ARB2A: variants seen among roughly 807,000 people sequenced by gnomAD.
ARB2A encodes the protein ARB2 cotranscriptional regulator A.
the ARB2A span, among the ~76,000 whole-genome samples, chr5:93,711,573 C>T: frequency 7.2e-5 from 11 of 152,176 alleles, no homozygotes; most frequent in Admixed American, 2.6e-4. Flanking sequence ...TCCTCTTCCA[C>T]TGAACAACTA....
chr5:94,098,041 C>G, the ARB2A span, among the ~76,000 whole-genome samples: 1 of 152,198 alleles, frequency 6.6e-6, no homozygotes, highest in Non-Finnish European at 1.5e-5. Flanking sequence ...TGGACACAAC[C>G]CTTCAGGGTT....
chr5:94,068,331 A>G, the ARB2A span, among the ~76,000 whole-genome samples: 1 of 152,264 alleles, frequency 6.6e-6, no homozygotes, highest in Admixed American at 6.5e-5. Flanking sequence ...TTGCTGGATC[A>G]GGAGCACAAC....
At chr5:94,041,355 T>G in the ARB2A span, among the ~76,000 whole-genome samples, 1 of 152,072 alleles carries the variant, frequency 6.6e-6, no homozygotes, top group Admixed American at 6.6e-5. Flanking sequence ...CCTTGGGAGC[T>G]TGACCTTGTA....
the ARB2A span, among the ~76,000 whole-genome samples, chr5:93,949,267 G>A: frequency 5.3e-5 from 8 of 151,698 alleles, no homozygotes; most frequent in East Asian, 2.0e-4. Flanking sequence ...CACTTCTCCC[G>A]GCCCACACCC....
At chr5:94,083,664 C>T in the ARB2A span, among the ~76,000 whole-genome samples, 99 of 152,212 alleles carry the variant, frequency 6.5e-4, no homozygotes, top group Non-Finnish European at 2.9e-5. Flanking sequence ...ACTATTACCA[C>T]TTCTATTCAA....
the ARB2A span, among the ~76,000 whole-genome samples, chr5:93,624,253 G>A: frequency 1.5e-4 from 23 of 152,242 alleles, no homozygotes; most frequent in East Asian, 4.2e-3. Context: ...AGAAATCACA[G>A]GGAAACTAGT....
At chr5:94,028,798 G>A in the ARB2A span, among the ~76,000 whole-genome samples, 1 of 151,932 alleles carries the variant, frequency 6.6e-6, no homozygotes, top group Non-Finnish European at 1.5e-5. Context: ...ATAACTTTCA[G>A]GCATCATGAC....
At chr5:94,053,377 T>G in the ARB2A span, 1 of 516,452 alleles carries the variant, frequency 1.9e-6, no homozygotes, top group South Asian at 2.9e-5. Context: ...ATTCCCAAAA[T>G]ACTATATTAT....
chr5:93,690,551 C>T, the ARB2A span, among the ~76,000 whole-genome samples: 6 of 152,156 alleles, frequency 3.9e-5, no homozygotes, highest in Admixed American at 3.3e-4. Context: ...GCAGCAGCCC[C>T]AGTCAGGGGC....
At chr5:94,012,405 A>C in the ARB2A span, among the ~76,000 whole-genome samples, 1 of 152,348 alleles carries the variant, frequency 6.6e-6, no homozygotes, top group Non-Finnish European at 1.5e-5. Flanking sequence ...CCATCTCAAA[A>C]CAAACAAACA....
the ARB2A span, among the ~76,000 whole-genome samples, chr5:94,082,093 A>G: frequency 3.3e-5 from 5 of 152,212 alleles, no homozygotes; most frequent in African/African-American, 1.2e-4. Flanking sequence ...CATTATATAA[A>G]GATTTTGTAA....
At chr5:93,629,005 G>T in the ARB2A span, among the ~76,000 whole-genome samples, 2,060 of 152,266 alleles carry the variant, frequency 0.014, 16 homozygotes, top group Middle Eastern at 0.041. Flanking sequence ...AGCCTGTCTT[G>T]GCTTTTGACA....
the ARB2A span, among the ~76,000 whole-genome samples, chr5:94,005,005 A>ATCAGC: frequency 9.2e-6 from 1 of 108,590 alleles, no homozygotes; most frequent in Admixed American, 9.8e-5. Flanking sequence ...CAGCAAAAAA[A>ATCAGC]AAAAAAAAAA....
the ARB2A span, among the ~76,000 whole-genome samples, chr5:93,844,611 TAAATC>T: frequency 2.0e-5 from 3 of 151,824 alleles, no homozygotes; most frequent in Admixed American, 6.6e-5. Context: ...AAATAAGAAA[TAAATC>T]AAGAAAGAGG....
At chr5:94,088,900 C>G in the ARB2A span, among the ~76,000 whole-genome samples, 1 of 152,108 alleles carries the variant, frequency 6.6e-6, no homozygotes, top group African/African-American at 2.4e-5. Flanking sequence ...AATAATCTGT[C>G]CCTTTGGTTG....
the ARB2A span, among the ~76,000 whole-genome samples, chr5:94,099,291 G>T: frequency 6.6e-6 from 1 of 152,090 alleles, no homozygotes; most frequent in South Asian, 2.1e-4. Flanking sequence ...GATAAAGGAG[G>T]CTTCATCCCC....
chr5:94,043,732 A>G, the ARB2A span, among the ~76,000 whole-genome samples: 1 of 152,196 alleles, frequency 6.6e-6, no homozygotes, highest in South Asian at 2.1e-4. Context: ...AAAGGAGAAT[A>G]ATTTACCCAA....
chr5:93,843,747 A>C, the ARB2A span, among the ~76,000 whole-genome samples: 1 of 152,194 alleles, frequency 6.6e-6, no homozygotes, highest in Non-Finnish European at 1.5e-5. Flanking sequence ...AGAAGGGTTA[A>C]ATGATTAAGT....
chr5:93,805,279 TG>T, the ARB2A span: 1 of 985,176 alleles, frequency 1.0e-6, no homozygotes, highest in East Asian at 1.1e-4. Context: ...TCCATTAGCT[TG>T]AAAGCTTTTT....
Sources: gnomAD v4.1 joint callset for allele counts (sites outside exome capture counted in the v4.1 genomes callset) on GRCh38, gnomAD v4.1.1 for gene constraint, MANE v1.5 for transcripts, NCBI Gene and HGNC (gene_info 2026-07-23, HGNC 2026-07-21) for gene names.